The following DPP6 variants were observed in gnomAD, a reference collection of about 807,000 sequenced individuals.
DPP6 encodes dipeptidyl peptidase like 6.
DPP6 carries 69 observed loss-of-function variants against 122.6 expected under a neutral mutation model. The ratio of observed to expected loss-of-function variants is 0.56; its 90% CI spans 0.46 to 0.69. The LOEUF (loss-of-function observed/expected upper bound fraction) is 0.69, where lower values mean the gene tolerates loss of function less well. Among genes scored for constraint, DPP6 ranks in the 30% least tolerant of loss-of-function variants. The pLI is 0.00. For synonymous variants in DPP6, 418 were observed against 433.1 expected, an observed-to-expected ratio of 0.97 and a Z score of 0.43; for missense variants, 928 against 1,116.9, an observed-to-expected ratio of 0.83 and a Z score of 2.41.
At chr7:154,784,989 G>A (rs1284117530) in intron 10 of DPP6, among the ~76,000 whole-genome samples, 1 of 152,150 alleles carries the variant, frequency 6.6e-6, no homozygotes, top group Non-Finnish European at 1.5e-5. Context: ...AACTTGGTCT[G>A]GTTGGAAGCA....
chr7:154,843,263 A>G (rs992056130), intron 16 of DPP6, among the ~76,000 whole-genome samples: 2 of 152,176 alleles, frequency 1.3e-5, no homozygotes, highest in East Asian at 1.9e-4. Context: ...GATAGTGCCA[A>G]TGTACTCCAG....
At chr7:154,459,250 C>T (rs62475119) in intron 2 of DPP6, among the ~76,000 whole-genome samples, 2,307 of 152,240 alleles carry the variant, frequency 0.015, 21 homozygotes, top group Middle Eastern at 0.024. Flanking sequence ...GTGTTTGCTA[C>T]GTGTCACAGG....
intron 1 of DPP6, among the ~76,000 whole-genome samples, chr7:154,063,603 A>AGCAG (rs1563160394): frequency 0.017 from 553 of 32,948 alleles, 44 homozygotes; most frequent in East Asian, 0.11. Context: ...CATCGCAGTG[A>AGCAG]GGGAGGCACC....
At chr7:154,195,237 C>T (rs1244406304) in intron 1 of DPP6, among the ~76,000 whole-genome samples, 3 of 152,180 alleles carry the variant, frequency 2.0e-5, no homozygotes, top group Non-Finnish European at 2.9e-5. Context: ...GACGATCCTT[C>T]CTCCTTGAAA....
chr7:154,808,505 G>T (rs759926755), intron 16 of DPP6, among the ~76,000 whole-genome samples: 10 of 152,110 alleles, frequency 6.6e-5, no homozygotes, highest in Non-Finnish European at 1.5e-4. Context: ...AAATCATAGA[G>T]TGCTGTAGGG....
At chr7:154,397,249 C>T (rs577212563) in intron 1 of DPP6, among the ~76,000 whole-genome samples, 16 of 150,552 alleles carry the variant, frequency 1.1e-4, no homozygotes, top group East Asian at 3.9e-4. Flanking sequence ...TTAAGCAGTG[C>T]GCACCAACTG....
At chr7:154,886,390 C>T (rs1171038145) in intron 22 of DPP6, among the ~76,000 whole-genome samples, 3 of 152,182 alleles carry the variant, frequency 2.0e-5, no homozygotes, top group Non-Finnish European at 4.4e-5. Flanking sequence ...GATGAGCCCA[C>T]CCAGGTGTGG....
intron 1 of DPP6, among the ~76,000 whole-genome samples, chr7:154,222,285 C>A (rs183715055): frequency 2.0e-5 from 3 of 152,322 alleles, no homozygotes; most frequent in African/African-American, 7.2e-5. Flanking sequence ...ACTCCACAGC[C>A]ACACACAGCC....
intron 18 of DPP6, among the ~76,000 whole-genome samples, chr7:154,871,866 A>C (rs1804428487): frequency 6.6e-6 from 1 of 152,228 alleles, no homozygotes; most frequent in Non-Finnish European, 1.5e-5. Flanking sequence ...AATAAATTCA[A>C]CTTGGATGGG....
Position 154,157,794 on chromosome 7 carries a change from G to A in DPP6, c.243+104731G>A, listed in dbSNP as rs545740538. 2.0e-4 allele frequency among the ~76,000 whole-genome samples: 31 copies of A among 151,988 alleles called. No individual in the cohort carries two copies. In the East Asian group the frequency reaches 5.9e-3, roughly 29 times the overall value. On this transcript the variant is annotated intron_variant, in intron 1 of 25. Coordinates refer to ENST00000377770, the MANE Select transcript of DPP6 (RefSeq NM_130797.4). Reference sequence around the variant, plus strand: ...ACTAAAAATGCAAAATTAGCTGGGCGTGGTGGCACATGCCTGTAATCCCAA... The same window carrying A: ...ACTAAAAATGCAAAATTAGCTGGGCATGGTGGCACATGCCTGTAATCCCAA...
chr7:154,659,632 GC>G (rs1837487992), intron 6 of DPP6, among the ~76,000 whole-genome samples: 1 of 152,172 alleles, frequency 6.6e-6, no homozygotes, highest in African/African-American at 2.4e-5. Context: ...ATTGCCTCAA[GC>G]CCTTTGCTTC....
chr7:154,568,100 T>C (rs1248832458), intron 5 of DPP6, among the ~76,000 whole-genome samples: 1 of 152,214 alleles, frequency 6.6e-6, no homozygotes, highest in Non-Finnish European at 1.5e-5. Context: ...GTTGGTGAAC[T>C]TGACATTCTA....
chr7:154,157,631 T>C (rs899442615), intron 1 of DPP6, among the ~76,000 whole-genome samples: 4 of 152,198 alleles, frequency 2.6e-5, no homozygotes, highest in African/African-American at 9.6e-5. Flanking sequence ...CATAACATGC[T>C]TAAATATTTG....
intron 1 of DPP6, among the ~76,000 whole-genome samples, chr7:154,060,478 C>T (rs569118589): frequency 7.2e-6 from 1 of 138,360 alleles, no homozygotes; most frequent in East Asian, 2.1e-4. Context: ...CTTAGGACCT[C>T]CATCGTTGAT....
chr7:154,126,017 C>G (rs1227850291), intron 1 of DPP6, among the ~76,000 whole-genome samples: 1 of 152,156 alleles, frequency 6.6e-6, no homozygotes. Flanking sequence ...CTCTTCAATT[C>G]TTGATTCCAT....
chr7:153,925,466 G>GA (rs1800850633), intron 1 of DPP6, among the ~76,000 whole-genome samples: 1 of 151,156 alleles, frequency 6.6e-6, no homozygotes, highest in African/African-American at 2.4e-5. Flanking sequence ...TTCTGATGAA[G>GA]GGATATCCTG....
At chr7:154,649,189 C>T (rs1181628825) in intron 6 of DPP6, among the ~76,000 whole-genome samples, 1 of 152,164 alleles carries the variant, frequency 6.6e-6, no homozygotes, top group Admixed American at 6.5e-5. Context: ...TTTTGAGATT[C>T]ACCCGTGTTG....
the DPP6 span, among the ~76,000 whole-genome samples, chr7:153,752,539 A>G: frequency 2.0e-5 from 3 of 151,876 alleles, no homozygotes; most frequent in East Asian, 5.8e-4. Context: ...GTGAGCCACC[A>G]TGCCCGGCCA....
At chr7:153,936,603 G>A (rs984082815) in intron 1 of DPP6, among the ~76,000 whole-genome samples, 1 of 151,788 alleles carries the variant, frequency 6.6e-6, no homozygotes. Flanking sequence ...TCAGAAGATC[G>A]AGACCATCCT....
Sources: allele counts gnomAD v4.1 joint callset (sites outside exome capture counted in the v4.1 genomes callset), GRCh38; gene constraint gnomAD v4.1.1; transcripts MANE v1.5; gene names NCBI Gene and HGNC (gene_info 2026-07-23, HGNC 2026-07-21).